MACROD2: variants seen among roughly 807,000 people sequenced by gnomAD.
MACROD2 encodes the protein mono-ADP ribosylhydrolase 2.
MACROD2 carries 36 observed loss-of-function variants against 70.4 expected under a neutral mutation model. The observed-to-expected ratio is 0.51, with a 90% confidence interval of 0.39 to 0.68. The LOEUF is 0.68. Among genes scored for constraint, MACROD2 ranks in the 30% least tolerant of loss-of-function variants. The probability of loss-of-function intolerance (pLI) is 0.00; values close to 1 mark genes in which losing one functional copy is unlikely to be tolerated. For synonymous variants in MACROD2, 172 were observed against 178.8 expected (o/e 0.96, Z 0.30); for missense variants, 496 against 538.4 (o/e 0.92, Z 0.78).
At chr20:15,145,989 T>C (rs1343906259) in intron 5 of MACROD2, among the ~76,000 whole-genome samples, 1 of 152,118 alleles carries the variant, frequency 6.6e-6, no homozygotes, top group Non-Finnish European at 1.5e-5. Context: ...ATGTACTCAC[T>C]AGCAACAATG....
chr20:14,308,178 G>A (rs1266749809), intron 3 of MACROD2, among the ~76,000 whole-genome samples: 1 of 152,048 alleles, frequency 6.6e-6, no homozygotes, highest in Admixed American at 6.6e-5. Flanking sequence ...CTTCTGGATT[G>A]GAACATAATG....
At chr20:15,271,059 C>A (rs899854551) in intron 6 of MACROD2, among the ~76,000 whole-genome samples, 2 of 152,174 alleles carry the variant, frequency 1.3e-5, no homozygotes, top group African/African-American at 4.8e-5. Flanking sequence ...TCAGGCCCCA[C>A]AAAATCTAGA....
At chr20:15,738,371 G>C (rs1215356119) in intron 8 of MACROD2, among the ~76,000 whole-genome samples, 1 of 152,118 alleles carries the variant, frequency 6.6e-6, no homozygotes, top group African/African-American at 2.4e-5. Context: ...GAATTTAGAG[G>C]ACTAGAAAGA....
chr20:15,194,245 CA>C (rs71190180), intron 5 of MACROD2, among the ~76,000 whole-genome samples: 920 of 49,676 alleles, frequency 0.019, 4 homozygotes, highest in African/African-American at 0.079. Flanking sequence ...CACTCTGTCT[CA>C]AAAAAAAAAA....
intron 5 of MACROD2, among the ~76,000 whole-genome samples, chr20:15,147,278 A>G (rs1005337874): frequency 6.6e-6 from 1 of 152,210 alleles, no homozygotes; most frequent in African/African-American, 2.4e-5. Flanking sequence ...TTGCTATTGC[A>G]TAATTTTCCT....
chr20:14,806,657 C>T (rs568311824), intron 5 of MACROD2, among the ~76,000 whole-genome samples: 3 of 152,066 alleles, frequency 2.0e-5, no homozygotes, highest in Admixed American at 6.5e-5. Context: ...GTGGATCCCA[C>T]CCCCACGGAG....
chr20:16,013,898 A>G (rs1461991828), intron 15 of MACROD2, among the ~76,000 whole-genome samples: 3 of 152,208 alleles, frequency 2.0e-5, no homozygotes, highest in African/African-American at 4.8e-5. Flanking sequence ...ATCTGTTGAG[A>G]TAGGCCCTGT....
chr20:15,176,825 G>A (rs1407600623), intron 5 of MACROD2, among the ~76,000 whole-genome samples: 2 of 152,178 alleles, frequency 1.3e-5, no homozygotes, highest in African/African-American at 2.4e-5. Context: ...CATCCCTTCA[G>A]GGAGTCCAGA....
At chr20:14,946,528 CTTT>C (rs1354350030) in intron 5 of MACROD2, among the ~76,000 whole-genome samples, 7 of 151,466 alleles carry the variant, frequency 4.6e-5, no homozygotes, top group African/African-American at 1.7e-4. Flanking sequence ...CTTTTTTTTA[CTTT>C]TACTCTGCTT....
At chr20:14,213,646 AT>A (rs989793693) in intron 3 of MACROD2, among the ~76,000 whole-genome samples, 72 of 152,142 alleles carry the variant, frequency 4.7e-4, no homozygotes, top group African/African-American at 1.7e-3. Flanking sequence ...TTTTTGTTAA[AT>A]TTTTTATTTG....
chr20:14,078,957 C>T (rs2053952868), intron 2 of MACROD2, among the ~76,000 whole-genome samples: 1 of 152,058 alleles, frequency 6.6e-6, no homozygotes, highest in Non-Finnish European at 1.5e-5. Flanking sequence ...CCTCATTGTC[C>T]ATCATATGTT....
intron 3 of MACROD2, among the ~76,000 whole-genome samples, chr20:14,193,568 A>T (rs2081405701): frequency 6.6e-6 from 1 of 152,138 alleles, no homozygotes; most frequent in Non-Finnish European, 1.5e-5. Flanking sequence ...GGAAGGTATT[A>T]CCAACCCTAG....
chr20:15,740,443 G>A (rs947432993), intron 8 of MACROD2, among the ~76,000 whole-genome samples: 24 of 152,156 alleles, frequency 1.6e-4, no homozygotes, highest in African/African-American at 5.3e-4. Context: ...TGGACGCTGG[G>A]GATGGGAAAG....
intron 3 of MACROD2, among the ~76,000 whole-genome samples, chr20:14,350,910 C>T (rs1185431410): frequency 1.3e-5 from 2 of 152,128 alleles, no homozygotes; most frequent in African/African-American, 2.4e-5. Context: ...CAATCCATTT[C>T]GATTTGATTT....
intron 15 of MACROD2, among the ~76,000 whole-genome samples, chr20:16,021,330 G>A (rs1165059623): frequency 1.3e-5 from 2 of 152,146 alleles, no homozygotes; most frequent in African/African-American, 4.8e-5. Flanking sequence ...ACTGATTTTT[G>A]TGTTGGATCC....
chr20:15,221,588 T>C (rs1346140610), intron 5 of MACROD2, among the ~76,000 whole-genome samples: 3 of 152,206 alleles, frequency 2.0e-5, no homozygotes, highest in East Asian at 1.9e-4. Context: ...GGAGTCCAAT[T>C]TGAAACAGGA....
intron 5 of MACROD2, among the ~76,000 whole-genome samples, chr20:15,210,188 C>T (rs376276273): frequency 1.7e-3 from 254 of 152,312 alleles, no homozygotes; most frequent in South Asian, 0.017. Flanking sequence ...AAGTGGCTCT[C>T]AGTCCTTAGA....
chr20:15,696,436 T>G (rs964284797), intron 8 of MACROD2, among the ~76,000 whole-genome samples: 2 of 152,218 alleles, frequency 1.3e-5, no homozygotes, highest in Non-Finnish European at 2.9e-5. Context: ...TGCTGTTGGA[T>G]TCAGTTAGCT....
rs558507311 is a variant in MACROD2 at position 14,484,420 on chromosome 20, T to C, written c.272-9059T>C. On this transcript the variant is annotated intron_variant, in intron 3 of 17. Transcript: ENST00000684519. ...ATGGGGTATCCATCACCTCAAACATTTAGCCTTTGTGTTACAAACAATCTA... is the reference window on the plus strand; with the variant it reads ...ATGGGGTATCCATCACCTCAAACATCTAGCCTTTGTGTTACAAACAATCTA... Among the ~76,000 whole-genome samples, 5 of 152,304 alleles carry C rather than the reference T, an allele frequency of 3.3e-5. No homozygotes were observed. In the East Asian group the frequency reaches 9.6e-4, roughly 29 times the overall value.
Sources: gnomAD v4.1 joint callset for allele counts (sites outside exome capture counted in the v4.1 genomes callset) on GRCh38, gnomAD v4.1.1 for gene constraint, MANE v1.5 for transcripts, NCBI Gene and HGNC (gene_info 2026-07-23, HGNC 2026-07-21) for gene names.